Variants in COMMD1 observed in about 807,000 individuals in gnomAD.
COMMD1 encodes the protein copper metabolism domain containing 1, also known as COMM domain-containing protein 1.
A neutral mutation model predicts 17.2 loss-of-function variants in COMMD1; 10 were observed. The ratio of observed to expected loss-of-function variants is 0.58; its 90% CI spans 0.36 to 0.99. The LOEUF is 0.99. COMMD1 is among the 50% of genes least tolerant of loss of function. COMMD1 has a pLI of 0.01. For synonymous variants in COMMD1, 97 were observed against 91.6 expected (o/e 1.06, Z -0.34); for missense variants, 270 against 231.8 (o/e 1.17, Z -1.07).
intron 1 of COMMD1, among the ~76,000 whole-genome samples, chr2:61,985,943 T>C (rs1011118187): frequency 1.3e-5 from 2 of 152,158 alleles, no homozygotes; most frequent in African/African-American, 4.8e-5. Context: ...CTGTGTTTTT[T>C]CATATATCTA....
chr2:62,009,377 G>A lies in COMMD1; in HGVS notation c.462+8395G>A, dbSNP rs528585749. ...CCCAGCACTTTGGGCGACTGAGGCG[G>A]GCGGATCACCTGAGGTCAGGAGTTC... On this transcript the variant is annotated intron_variant, in intron 2 of 2. Transcript: ENST00000311832. 3.3e-5 allele frequency among the ~76,000 whole-genome samples: 5 copies of A among 152,168 alleles called. No homozygotes were observed. In the South Asian group the frequency reaches 1.0e-3, roughly 32 times the overall value.
chr2:62,102,108 A>G (rs1672198727), intron 2 of COMMD1, among the ~76,000 whole-genome samples: 1 of 152,224 alleles, frequency 6.6e-6, no homozygotes, highest in African/African-American at 2.4e-5. Context: ...CAAGGATTTT[A>G]GGAGCTGTGT....
chr2:62,118,522 A>G (rs1287146747), intron 2 of COMMD1, among the ~76,000 whole-genome samples: 1 of 152,184 alleles, frequency 6.6e-6, no homozygotes, highest in African/African-American at 2.4e-5. Context: ...CCTTTCTCCT[A>G]ATCCCTCATC....
intron 2 of COMMD1, among the ~76,000 whole-genome samples, chr2:62,134,535 C>T (rs1673133046): frequency 6.6e-6 from 1 of 151,574 alleles, no homozygotes; most frequent in South Asian, 2.1e-4. Context: ...CATGAAATTC[C>T]TGCTGCCATA....
intron 1 of COMMD1, among the ~76,000 whole-genome samples, chr2:61,947,555 C>T (rs535652601): frequency 1.8e-3 from 266 of 151,834 alleles, no homozygotes; most frequent in African/African-American, 5.3e-3. Context: ...TGGTGGCGGG[C>T]GCCTGTAATC....
chr2:61,889,879 C>T (rs968838913), intron 1 of COMMD1, among the ~76,000 whole-genome samples: 4 of 152,138 alleles, frequency 2.6e-5, no homozygotes, highest in Non-Finnish European at 4.4e-5. Flanking sequence ...CAGTGCTAAA[C>T]CTTTACACGT....
intron 1 of COMMD1, among the ~76,000 whole-genome samples, chr2:61,926,567 A>G (rs1670334046): frequency 6.6e-6 from 1 of 152,208 alleles, no homozygotes; most frequent in African/African-American, 2.4e-5. Flanking sequence ...TGCCAAATCA[A>G]TAGCTATAAT....
At chr2:61,963,451 G>A (rs1009971510) in intron 1 of COMMD1, among the ~76,000 whole-genome samples, 1 of 151,964 alleles carries the variant, frequency 6.6e-6, no homozygotes, top group Non-Finnish European at 1.5e-5. Context: ...GGGCCACCCC[G>A]GTTCAAACAA....
At chr2:62,084,162 T>C (rs1671596881) in intron 2 of COMMD1, among the ~76,000 whole-genome samples, 1 of 152,154 alleles carries the variant, frequency 6.6e-6, no homozygotes, top group African/African-American at 2.4e-5. Flanking sequence ...CAATTCATTA[T>C]TAAATACAGT....
At chr2:61,909,656 G>C (rs1669855804) in intron 1 of COMMD1, among the ~76,000 whole-genome samples, 1 of 152,158 alleles carries the variant, frequency 6.6e-6, no homozygotes, top group Non-Finnish European at 1.5e-5. Flanking sequence ...CTCTTAAGCA[G>C]GATGTACATT....
chr2:62,007,950 G>A (rs1185510412), intron 2 of COMMD1, among the ~76,000 whole-genome samples: 1 of 152,132 alleles, frequency 6.6e-6, no homozygotes, highest in Non-Finnish European at 1.5e-5. Flanking sequence ...GAGAGGTTGA[G>A]GGAGGCAGAT....
At chr2:61,997,965 T>C (rs956874324) in intron 1 of COMMD1, among the ~76,000 whole-genome samples, 1 of 152,244 alleles carries the variant, frequency 6.6e-6, no homozygotes, top group African/African-American at 2.4e-5. Context: ...ATAGCTAGAT[T>C]TTCTGGATAA....
chr2:62,005,073 A>G (rs1242609190), intron 2 of COMMD1, among the ~76,000 whole-genome samples: 2 of 152,210 alleles, frequency 1.3e-5, no homozygotes, highest in Non-Finnish European at 2.9e-5. Context: ...AGCTTTAAAC[A>G]TGTTGATGCT....
rs70962759 is a variant in COMMD1 at position 62,116,676 on chromosome 2, C to CAA, written c.463-19129_463-19128dup. Among the ~76,000 whole-genome samples the CAA allele has an allele frequency of 1.2e-3, 35 of 28,530 alleles. 1 individual carries two copies. The highest frequency in any genetic ancestry group is 1.7e-3 in the African/African-American group (11 of 6,662). 18.7% of individuals were successfully genotyped at this position (28,530 alleles called of 152,430 possible). A position where few individuals can be genotyped will look rare whatever the true frequency, so the allele number is the denominator to read the frequency against. ...GACAGAGCGAGACTCTGTCTCATTA[C>CAA]AAAAAAAAAAAAAAAAAAAAAAAAA... On this transcript the variant is annotated intron_variant, in intron 2 of 2. Transcript: ENST00000311832.
intron 2 of COMMD1, among the ~76,000 whole-genome samples, chr2:62,031,497 T>C (rs67138777): frequency 0.093 from 14,135 of 152,272 alleles, 853 homozygotes; most frequent in Non-Finnish European, 0.13. Flanking sequence ...CTAAAAATAC[T>C]GCTTGTTTCT....
At chr2:61,913,046 C>T (rs1455402449) in intron 1 of COMMD1, among the ~76,000 whole-genome samples, 1 of 152,150 alleles carries the variant, frequency 6.6e-6, no homozygotes, top group Non-Finnish European at 1.5e-5. Context: ...GTCTAGGCAA[C>T]AGAGGGAGAC....
intron 1 of COMMD1, among the ~76,000 whole-genome samples, chr2:61,952,998 G>A (rs1437270450): frequency 6.6e-6 from 1 of 152,096 alleles, no homozygotes; most frequent in Admixed American, 6.6e-5. Flanking sequence ...GCCAACACTT[G>A]AAAAATATTG....
chr2:62,079,610 T>G (rs1046961090), intron 2 of COMMD1: 1 of 152,364 alleles, frequency 6.6e-6, no homozygotes, highest in Non-Finnish European at 1.5e-5. Flanking sequence ...ACACCCTGGC[T>G]GAGAAGGAAG....
intron 2 of COMMD1, among the ~76,000 whole-genome samples, chr2:62,022,615 A>G (rs1045609054): frequency 2.6e-5 from 4 of 151,352 alleles, no homozygotes; most frequent in Admixed American, 1.3e-4. Context: ...GGCCAAATCA[A>G]TAGCTGCATA....
Sources: gnomAD v4.1 joint callset for allele counts (sites outside exome capture counted in the v4.1 genomes callset) on GRCh38, gnomAD v4.1.1 for gene constraint, MANE v1.5 for transcripts, NCBI Gene and HGNC (gene_info 2026-07-23, HGNC 2026-07-21) for gene names.